TSGA10: variants seen among roughly 807,000 people sequenced by gnomAD.
TSGA10 encodes the protein testis-specific gene 10 protein.
Under a neutral mutation model 96.6 loss-of-function variants are expected in TSGA10, and 43 were observed. That is an observed-to-expected ratio of 0.44 (90% CI 0.35 to 0.57). TSGA10 has a LOEUF of 0.57. TSGA10 is among the 20% of genes least tolerant of loss of function. The pLI is 0.01. For synonymous variants in TSGA10, 229 were observed against 269.9 expected (o/e 0.85, Z 1.48); for missense variants, 703 against 834.4 (o/e 0.84, Z 1.94).
At chr2:99,048,147 C>T (rs769442774) in intron 16 of TSGA10, among the ~76,000 whole-genome samples, 63 of 152,152 alleles carry the variant, frequency 4.1e-4, no homozygotes, top group Non-Finnish European at 7.4e-4. Flanking sequence ...CCATACTGCC[C>T]AAAGGGATTT....
chr2:99,046,849 GAGA>G (rs2082828187), intron 16 of TSGA10, among the ~76,000 whole-genome samples: 1 of 152,030 alleles, frequency 6.6e-6, no homozygotes, highest in African/African-American at 2.4e-5. Flanking sequence ...GAAGAAAAGA[GAGA>G]AGAATCAAAT....
chr2:99,108,695 C>T (rs1559042982), intron 7 of TSGA10, 138 bp downstream of exon 7: 2 of 592,980 alleles, frequency 3.4e-6, no homozygotes, highest in Non-Finnish European at 2.7e-6. Flanking sequence ...TTAAGAATAT[C>T]TTAAAAACAT....
chr2:99,023,017 GTTA>G, intron 17 of TSGA10, among the ~76,000 whole-genome samples: 1 of 152,002 alleles, frequency 6.6e-6, no homozygotes, highest in East Asian at 1.9e-4. Context: ...TTTTAGTTGG[GTTA>G]TTAAGTTTTT....
chr2:99,073,164 T>TTTCCCG (rs1199836056), intron 12 of TSGA10, 91 bp from the exon 13 acceptor site: 10 of 833,776 alleles, frequency 1.2e-5, no homozygotes, highest in African/African-American at 5.2e-5. Context: ...TCCCTTTCCC[T>TTTCCCG]TTAGGTTTCC....
chr2:99,075,767 A>G (rs1022278713), intron 12 of TSGA10, among the ~76,000 whole-genome samples: 4 of 152,186 alleles, frequency 2.6e-5, no homozygotes, highest in African/African-American at 9.6e-5. Flanking sequence ...GAAATATAAC[A>G]TTGTTACGGT....
At chr2:99,121,776 A>G (rs1262499451) in intron 2 of TSGA10, among the ~76,000 whole-genome samples, 3 of 152,106 alleles carry the variant, frequency 2.0e-5, no homozygotes, top group Non-Finnish European at 4.4e-5. Context: ...AAAAACTTCA[A>G]TTTTGATTAA....
intron 2 of TSGA10, among the ~76,000 whole-genome samples, chr2:99,120,466 T>C (rs1168731761): frequency 1.3e-5 from 2 of 152,038 alleles, no homozygotes. Flanking sequence ...AGAAAAAAAA[T>C]AAATGAGAGT....
chr2:99,037,659 G>A (rs1402633291), intron 16 of TSGA10, among the ~76,000 whole-genome samples: 1 of 152,044 alleles, frequency 6.6e-6, no homozygotes, highest in African/African-American at 2.4e-5. Flanking sequence ...GACCAGCCTG[G>A]CCAACATAAT....
chr2:99,069,635 C>CAATAAAAAAATA (rs2085685381), intron 14 of TSGA10, among the ~76,000 whole-genome samples: 1 of 145,838 alleles, frequency 6.9e-6, no homozygotes, highest in African/African-American at 2.6e-5. Flanking sequence ...CCCAACTCTA[C>CAATAAAAAAATA]AATAAATAAA....
At chr2:99,127,900 A>G (rs1429204898) in intron 1 of TSGA10, among the ~76,000 whole-genome samples, 1 of 152,238 alleles carries the variant, frequency 6.6e-6, no homozygotes, top group Non-Finnish European at 1.5e-5. Flanking sequence ...TTTATACTAC[A>G]GCTATATATA....
intron 16 of TSGA10, among the ~76,000 whole-genome samples, chr2:99,045,272 C>T (rs1243769354): frequency 6.6e-6 from 1 of 152,016 alleles, no homozygotes; most frequent in Non-Finnish European, 1.5e-5. Flanking sequence ...AACTCCAAGA[C>T]ACATAATTGT....
At chr2:99,089,357 A>G (rs1048739912) in intron 10 of TSGA10, among the ~76,000 whole-genome samples, 2 of 152,190 alleles carry the variant, frequency 1.3e-5, no homozygotes, top group African/African-American at 2.4e-5. Context: ...GAAACTTCCA[A>G]CTGAATTTTG....
intron 7 of TSGA10, among the ~76,000 whole-genome samples, chr2:99,106,966 C>A (rs1268763590): frequency 6.6e-6 from 1 of 152,150 alleles, no homozygotes; most frequent in Non-Finnish European, 1.5e-5. Flanking sequence ...TTAACTCTTG[C>A]CTCTCTCTAC....
At chr2:99,101,563 G>C (rs538507681) in intron 10 of TSGA10, among the ~76,000 whole-genome samples, 1 of 151,872 alleles carries the variant, frequency 6.6e-6, no homozygotes, top group Admixed American at 6.6e-5. Flanking sequence ...AAAATACCCA[G>C]AGGATAAAAA....
chr2:99,109,308 T>C (rs2091619841), intron 6 of TSGA10, 81 bp downstream of exon 6: 2 of 1,464,560 alleles, frequency 1.4e-6, no homozygotes, highest in Admixed American at 3.4e-5. Context: ...AACAAATTAT[T>C]TTCAAATTAG....
At chr2:99,138,214 C>CTA (rs1366568896) in intron 1 of TSGA10, among the ~76,000 whole-genome samples, 1 of 152,226 alleles carries the variant, frequency 6.6e-6, no homozygotes, top group Non-Finnish European at 1.5e-5. Context: ...TTTCACATGG[C>CTA]TATCTTCTCA....
intron 17 of TSGA10, among the ~76,000 whole-genome samples, chr2:99,022,142 A>C (rs1573546048): frequency 1.3e-5 from 2 of 152,056 alleles, no homozygotes; most frequent in East Asian, 1.9e-4. Context: ...CCTGGGCAAC[A>C]TGGTGAAACT....
At chr2:99,041,246 A>G (rs1183026018) in intron 16 of TSGA10, among the ~76,000 whole-genome samples, 1 of 152,212 alleles carries the variant, frequency 6.6e-6, no homozygotes, top group Non-Finnish European at 1.5e-5. Context: ...GTGTGCTCTC[A>G]CCATTGTTCC....
At chr2:99,096,340 C>T (rs1356552001) in intron 10 of TSGA10, among the ~76,000 whole-genome samples, 1 of 152,152 alleles carries the variant, frequency 6.6e-6, no homozygotes, top group Admixed American at 6.5e-5. Context: ...GATCAGCTTC[C>T]GTGTTTTACC....
Sources: allele counts gnomAD v4.1 joint callset (sites outside exome capture counted in the v4.1 genomes callset), GRCh38; gene constraint gnomAD v4.1.1; transcripts MANE v1.5; gene names NCBI Gene and HGNC (gene_info 2026-07-23, HGNC 2026-07-21).